PCCA: variants seen among roughly 807,000 people sequenced by gnomAD.
PCCA encodes propionyl-CoA carboxylase subunit alpha.
A neutral mutation model predicts 101.3 loss-of-function variants in PCCA; 74 were observed. The ratio of observed to expected loss-of-function variants is 0.73; its 90% CI spans 0.61 to 0.89. The LOEUF is 0.89. Ranked by LOEUF, PCCA falls within the 40% of genes least tolerant of loss-of-function variation. PCCA has a pLI of 0.00. For synonymous variants in PCCA, 294 were observed against 313.6 expected (o/e 0.94, Z 0.66); for missense variants, 891 against 907.0 (o/e 0.98, Z 0.23).
chr13:100,309,895 CT>C lies in PCCA; in HGVS notation c.1417del (p.Tyr473MetfsTer16). On this transcript the variant is annotated frameshift_variant, in exon 16 of 24. Transcript: ENST00000376285. LOFTEE classifies it high-confidence loss of function. ...AGAGAATGGCAGATGCACTGGATAA[CT>C]ATGTTATTCGAGGTAAAAACAAAGA... ...LKRMADALDN[Y>X]VIRGVTHNIA... The C allele has an allele frequency of 6.2e-7, 1 of 1,611,256 alleles. No homozygotes were observed. Among genetic ancestry groups the C allele is most frequent in the Non-Finnish European group, 8.5e-7 (1 of 1,177,594 alleles).
chr13:100,133,631 T>C (rs895937100), intron 4 of PCCA, among the ~76,000 whole-genome samples: 2 of 151,950 alleles, frequency 1.3e-5, no homozygotes, highest in East Asian at 1.9e-4. Context: ...ACACCATTCA[T>C]TGAAAATAGT....
intron 6 of PCCA, among the ~76,000 whole-genome samples, chr13:100,182,174 T>C (rs2056857571): frequency 6.7e-6 from 1 of 148,284 alleles, no homozygotes; most frequent in African/African-American, 2.5e-5. Context: ...CTTGGCTTAC[T>C]GCAACCTCCA....
chr13:100,400,788 G>A (rs1056600343), intron 19 of PCCA, among the ~76,000 whole-genome samples: 1 of 151,808 alleles, frequency 6.6e-6, no homozygotes, highest in African/African-American at 2.4e-5. Flanking sequence ...ACCATGCTTG[G>A]CTAATTTGTG....
intron 19 of PCCA, among the ~76,000 whole-genome samples, chr13:100,389,904 C>A (rs1047399608): frequency 6.6e-6 from 1 of 152,124 alleles, no homozygotes; most frequent in African/African-American, 2.4e-5. Context: ...GGCTTGCCTG[C>A]AGGGAGTCGG....
intron 8 of PCCA, among the ~76,000 whole-genome samples, chr13:100,253,233 CCCAG>C (rs1277530905): frequency 6.6e-6 from 1 of 152,128 alleles, no homozygotes; most frequent in Non-Finnish European, 1.5e-5. Flanking sequence ...AAGCTGTCCC[CCCAG>C]CTCAGCCTCC....
At chr13:100,153,080 A>T (rs926045688) in intron 4 of PCCA, among the ~76,000 whole-genome samples, 2 of 152,216 alleles carry the variant, frequency 1.3e-5, no homozygotes, top group East Asian at 3.8e-4. Context: ...AATGAAAAAA[A>T]AATAATAAAA....
At position 100,330,928 on chromosome 13, in the gene PCCA, A is replaced by G. The variant is rs369790481; in HGVS notation, c.1540+257A>G. Among the ~76,000 whole-genome samples the G allele has an allele frequency of 1.5e-3, 229 of 152,314 alleles. 4 individuals are homozygous for G. In the South Asian group the frequency reaches 0.028, roughly 19 times the overall value. On this transcript the variant is annotated intron_variant, in intron 17 of 23. Transcript: ENST00000376285. ...TGAGTCCAGTGTTTTGGAGCAAAAC[A>G]TGTAGATAGATCATTAGCCTACCTG...
At chr13:100,186,101 T>C (rs2057242858) in intron 6 of PCCA, among the ~76,000 whole-genome samples, 1 of 152,264 alleles carries the variant, frequency 6.6e-6, no homozygotes, top group Non-Finnish European at 1.5e-5. Context: ...TTTGAATCAA[T>C]ATTTTATCAT....
intron 19 of PCCA, among the ~76,000 whole-genome samples, chr13:100,371,610 C>G (rs1347122137): frequency 3.9e-5 from 6 of 152,224 alleles, no homozygotes. Context: ...AATGTCAGTA[C>G]TACCTGAAGT....
intron 7 of PCCA, among the ~76,000 whole-genome samples, chr13:100,217,741 G>A (rs976730003): frequency 6.6e-6 from 1 of 151,332 alleles, no homozygotes; most frequent in Non-Finnish European, 1.5e-5. Context: ...TGTAATGTCA[G>A]CTACTTGGGA....
At chr13:100,527,818 G>A (rs765198980) in intron 23 of PCCA, 66 bp downstream of exon 23, 37 of 1,213,694 alleles carry the variant, frequency 3.0e-5, no homozygotes, top group Middle Eastern at 1.9e-4. Flanking sequence ...CCTTTGAATC[G>A]TGGGTGGTTT....
intron 4 of PCCA, chr13:100,154,592 T>C (rs1054620726): frequency 1.7e-5 from 5 of 290,320 alleles, no homozygotes; most frequent in Admixed American, 1.5e-4. Context: ...CTGGGGAGCT[T>C]GCTTAGAACT....
intron 6 of PCCA, among the ~76,000 whole-genome samples, chr13:100,197,884 T>G (rs1445819904): frequency 6.6e-6 from 1 of 152,224 alleles, no homozygotes; most frequent in East Asian, 1.9e-4. Context: ...GATTTCATCC[T>G]GGTGCTAAAC....
intron 19 of PCCA, among the ~76,000 whole-genome samples, chr13:100,390,172 T>G (rs1265433077): frequency 6.6e-6 from 1 of 152,238 alleles, no homozygotes; most frequent in Non-Finnish European, 1.5e-5. Flanking sequence ...CTGTTCTAAG[T>G]GATCCACATG....
At chr13:100,480,604 C>G (rs868268597) in intron 21 of PCCA, among the ~76,000 whole-genome samples, 2 of 152,124 alleles carry the variant, frequency 1.3e-5, no homozygotes, top group African/African-American at 2.4e-5. Flanking sequence ...ACCTTTTGTT[C>G]CTAGAGGAAC....
intron 8 of PCCA, among the ~76,000 whole-genome samples, chr13:100,250,026 T>C (rs1374184151): frequency 6.6e-6 from 1 of 152,212 alleles, no homozygotes; most frequent in African/African-American, 2.4e-5. Context: ...AAGACAGTTC[T>C]ATTTATTCCT....
chr13:100,368,407 A>C (rs1354940918), intron 18 of PCCA, 65 bp from the exon 19 acceptor site: 1 of 912,956 alleles, frequency 1.1e-6, no homozygotes, highest in Non-Finnish European at 1.8e-6. Flanking sequence ...TATCAAAGGG[A>C]AATTAGTTTA....
chr13:100,378,804 G>A (rs889376190), intron 19 of PCCA, among the ~76,000 whole-genome samples: 1 of 151,042 alleles, frequency 6.6e-6, no homozygotes, highest in Non-Finnish European at 1.5e-5. Flanking sequence ...CCATCTTTTT[G>A]GTAAATTTCT....
At chr13:100,320,122 CTGTT>C (rs568325655) in intron 16 of PCCA, among the ~76,000 whole-genome samples, 12 of 152,256 alleles carry the variant, frequency 7.9e-5, no homozygotes, top group African/African-American at 2.2e-4. Context: ...ATTTGGCTCT[CTGTT>C]TGTCTGTTAT....
Sources: allele counts gnomAD v4.1 joint callset (sites outside exome capture counted in the v4.1 genomes callset), GRCh38; gene constraint gnomAD v4.1.1; transcripts MANE v1.5; gene names NCBI Gene and HGNC (gene_info 2026-07-23, HGNC 2026-07-21).